The following RNLS variants were observed in gnomAD, a reference collection of about 807,000 sequenced individuals.
RNLS encodes renalase.
Under a neutral mutation model 39.8 loss-of-function variants are expected in RNLS, and 39 were observed. The observed-to-expected ratio is 0.98, with a 90% CI of 0.76 to 1.28. The LOEUF (loss-of-function observed/expected upper bound fraction) is 1.28, where lower values mean the gene tolerates loss of function less well. Among genes scored for constraint, RNLS ranks in the 50% most tolerant of loss-of-function variants. RNLS has a pLI of 0.00. For synonymous variants in RNLS, 147 were observed against 150.7 expected, an observed-to-expected ratio of 0.98 and a Z score of 0.18; for missense variants, 410 against 413.3, an observed-to-expected ratio of 0.99 and a Z score of 0.07.
In RNLS at chr10:88,582,310, T is replaced by C; in HGVS notation, c.119-3A>G. The C allele has an allele frequency of 3.1e-6, 5 of 1,610,810 alleles. No homozygotes were observed. Among genetic ancestry groups the C allele is most frequent in the Non-Finnish European group, 4.2e-6 (5 of 1,178,194 alleles). On this transcript the variant is annotated splice_region_variant and splice_polypyrimidine_tract_variant and intron_variant, in intron 1 of 6. Transcript: ENST00000331772. ...GCAGGCTGTAGTCATTCTTCCCCCT[T>C]GAATTAATCCACAGGAAAATGTCTT...
At chr10:88,269,037 G>A (rs1321833865), downstream of RNLS, among the ~76,000 whole-genome samples, 2 of 152,150 alleles carry the variant, frequency 1.3e-5, no homozygotes, top group African/African-American at 4.8e-5. Flanking sequence ...CTGATGTTAG[G>A]GGGACAATCA....
intron 4 of RNLS, among the ~76,000 whole-genome samples, chr10:88,424,351 T>A (rs1402341627): frequency 1.3e-5 from 2 of 152,110 alleles, no homozygotes; most frequent in African/African-American, 4.8e-5. Flanking sequence ...AAACTGGAAG[T>A]TCAACACTGG....
intron 4 of RNLS, among the ~76,000 whole-genome samples, chr10:88,542,022 T>C (rs967622722): frequency 6.6e-6 from 1 of 152,140 alleles, no homozygotes; most frequent in Non-Finnish European, 1.5e-5. Flanking sequence ...CGCCTTTGCA[T>C]TTTCCTTGGA....
At chr10:88,439,467 A>G (rs1468737232) in intron 4 of RNLS, among the ~76,000 whole-genome samples, 1 of 152,228 alleles carries the variant, frequency 6.6e-6, no homozygotes, top group African/African-American at 2.4e-5. Context: ...TAACTGGTGA[A>G]AACATTTTTG....
At chr10:88,577,800 A>T (rs896940556) in intron 3 of RNLS, among the ~76,000 whole-genome samples, 3 of 152,208 alleles carry the variant, frequency 2.0e-5, no homozygotes, top group African/African-American at 7.2e-5. Flanking sequence ...ATAGAACATA[A>T]GGTCAAGAAG....
intron 4 of RNLS, among the ~76,000 whole-genome samples, chr10:88,475,432 T>A (rs1259879437): frequency 6.6e-6 from 1 of 152,222 alleles, no homozygotes; most frequent in Non-Finnish European, 1.5e-5. Context: ...CCCTGAAATC[T>A]AATAGCAATT....
chr10:88,542,427 C>A (rs1323643775), intron 4 of RNLS, among the ~76,000 whole-genome samples: 1 of 152,176 alleles, frequency 6.6e-6, no homozygotes, highest in East Asian at 1.9e-4. Flanking sequence ...ACAACGTGTA[C>A]ATCTTCTAGA....
chr10:88,485,413 G>A (rs982534993), intron 4 of RNLS, among the ~76,000 whole-genome samples: 2 of 151,642 alleles, frequency 1.3e-5, no homozygotes, highest in Non-Finnish European at 3.0e-5. Flanking sequence ...ATAAAAATAT[G>A]AACTTTGAGC....
intron 4 of RNLS, among the ~76,000 whole-genome samples, chr10:88,468,477 G>A (rs1452159862): frequency 1.3e-5 from 2 of 152,124 alleles, no homozygotes; most frequent in Non-Finnish European, 2.9e-5. Flanking sequence ...ACTGACCCTG[G>A]ATTGGTAAGT....
chr10:88,469,822 CGTGTGTGT>C (rs199651876), intron 4 of RNLS, among the ~76,000 whole-genome samples: 11,081 of 138,146 alleles, frequency 0.08, 540 homozygotes, highest in Admixed American at 0.15. Context: ...TATGTGTGTG[CGTGTGTGT>C]GTGTGTGTGT....
intron 4 of RNLS, among the ~76,000 whole-genome samples, chr10:88,452,908 T>C (rs1842437237): frequency 6.6e-6 from 1 of 152,194 alleles, no homozygotes; most frequent in South Asian, 2.1e-4. Context: ...TTCAGTGTTA[T>C]GGTCTGAAAA....
At chr10:88,541,800 G>A (rs554485483) in intron 4 of RNLS, among the ~76,000 whole-genome samples, 5 of 152,140 alleles carry the variant, frequency 3.3e-5, no homozygotes, top group Non-Finnish European at 7.4e-5. Flanking sequence ...CTGGGTCAGT[G>A]TAGGATACAA....
intron 4 of RNLS, among the ~76,000 whole-genome samples, chr10:88,432,005 T>C (rs1238615626): frequency 5.3e-5 from 8 of 151,780 alleles, no homozygotes; most frequent in Non-Finnish European, 1.0e-4. Context: ...ATATCATTGA[T>C]GATTTTATAT....
At chr10:88,540,600 A>G (rs908423226) in intron 4 of RNLS, among the ~76,000 whole-genome samples, 1 of 152,148 alleles carries the variant, frequency 6.6e-6, no homozygotes, top group African/African-American at 2.4e-5. Flanking sequence ...ATGTGTGGCT[A>G]CAACAGCAAT....
chr10:88,268,805 A>G, the RNLS span, among the ~76,000 whole-genome samples: 7 of 152,172 alleles, frequency 4.6e-5, no homozygotes, highest in Admixed American at 3.3e-4. Flanking sequence ...AACTCTTGCA[A>G]TGTTCTGAGT....
At chr10:88,359,715 A>C (rs1354416616) in intron 5 of RNLS, among the ~76,000 whole-genome samples, 1 of 152,236 alleles carries the variant, frequency 6.6e-6, no homozygotes, top group Non-Finnish European at 1.5e-5. Context: ...TATTATTTCA[A>C]ATGCTTCCAA....
At chr10:88,293,677 G>A (rs1188399305) in intron 6 of RNLS, among the ~76,000 whole-genome samples, 2 of 149,914 alleles carry the variant, frequency 1.3e-5, no homozygotes, top group Non-Finnish European at 3.0e-5. Flanking sequence ...CATCTAGAGA[G>A]ATTTTACTGG....
At chr10:88,246,833 C>A in the RNLS span, among the ~76,000 whole-genome samples, 4 of 152,150 alleles carry the variant, frequency 2.6e-5, no homozygotes, top group Admixed American at 2.0e-4. Context: ...GAGCAGACAA[C>A]CATTTTACAT....
chr10:88,406,560 A>C (rs137970513), intron 4 of RNLS, among the ~76,000 whole-genome samples: 41 of 152,140 alleles, frequency 2.7e-4, no homozygotes, highest in Non-Finnish European at 5.0e-4. Flanking sequence ...AATGTGACCA[A>C]AGTTTCCTGA....
Sources: allele counts gnomAD v4.1 joint callset (sites outside exome capture counted in the v4.1 genomes callset), GRCh38; gene constraint gnomAD v4.1.1; transcripts MANE v1.5; gene names NCBI Gene and HGNC (gene_info 2026-07-23, HGNC 2026-07-21).